The following C1orf174 variants were observed in gnomAD, a reference collection of about 807,000 sequenced individuals.
The protein encoded by C1orf174 is chromosome 1 open reading frame 174, also known as UPF0688 protein C1orf174.
A neutral mutation model predicts 18.4 loss-of-function variants in C1orf174; 13 were observed. The ratio of observed to expected loss-of-function variants is 0.71; its 90% CI spans 0.46 to 1.12. The LOEUF is 1.12. Ranked by LOEUF, C1orf174 falls within the 50% of genes most tolerant of loss-of-function variation. The pLI, the probability that C1orf174 is intolerant of heterozygous loss-of-function variation, is 0.00. For missense variants in C1orf174, 309 were observed against 308.0 expected (o/e 1.00, Z -0.02); for synonymous variants, 100 against 118.3 (o/e 0.85, Z 1.01).
chr1:3,899,980 G>A (rs1465433163), intron 1 of C1orf174, among the ~76,000 whole-genome samples, 192 bp downstream of exon 1: 1 of 152,094 alleles, frequency 6.6e-6, no homozygotes, highest in Admixed American at 6.5e-5. Flanking sequence ...TTTCACAGGG[G>A]CGTGACCTGG....
chr1:3,895,675 C>T (rs1638593757), intron 1 of C1orf174: 1 of 152,288 alleles, frequency 6.6e-6, no homozygotes, highest in South Asian at 2.1e-4. Context: ...GATTAACCAC[C>T]TCCAAGGTGT....
intron 1 of C1orf174, chr1:3,896,219 A>AG (rs1399194927): frequency 6.5e-6 from 1 of 152,716 alleles, no homozygotes; most frequent in African/African-American, 2.4e-5. Flanking sequence ...GATTGAGAAG[A>AG]GGGGCCCTCC....
chr1:3,890,159 G>A lies in C1orf174; in HGVS notation c.619-86C>T. 15 of 1,075,280 alleles carry A rather than the reference G, an allele frequency of 1.4e-5. No homozygotes were observed. The South Asian group carries it at 1.8e-4, about 13-fold the overall frequency. The allele number at this position is 1,075,280 out of a possible 1,614,324, so 66.6% of individuals were successfully genotyped here. On this transcript the variant is annotated intron_variant, in intron 3 of 3. Transcript: ENST00000361605. ...CAATGTGCCCCACCCAGCGGCTCTAGGGCTCGCAGAGCGCTCTTCCCTTTT... is the reference window on the plus strand; with the variant it reads ...CAATGTGCCCCACCCAGCGGCTCTAAGGCTCGCAGAGCGCTCTTCCCTTTT...
rs766899670 is a variant in C1orf174 at position 3,891,605 on chromosome 1, C to T, written c.130-548G>A. 1,032 of 986,222 alleles carry T rather than the reference C, an allele frequency of 1.0e-3. 1 individual carries two copies. The highest frequency in any genetic ancestry group is 1.2e-3 in the Non-Finnish European group (1,000 of 830,624). The allele number at this position is 986,222 out of a possible 1,614,324, so 61.1% of individuals were successfully genotyped here. A position where few individuals can be genotyped will look rare whatever the true frequency, so the allele number is the denominator to read the frequency against. The stretch of plus-strand genomic sequence containing the variant: ...GTCCTAACCCCTCAACTGTAGGCTC[C>T]GTGAAGCGGCTCTACTTCACCGGTA... On this transcript the variant is annotated intron_variant, in intron 2 of 3. Transcript: ENST00000361605.
intron 2 of C1orf174, chr1:3,891,714 G>A: frequency 1.0e-6 from 1 of 986,024 alleles, no homozygotes. Context: ...CACCCACTCT[G>A]CCTTTCTCTT....
At chr1:3,894,538 C>T (rs939886191) in intron 1 of C1orf174, among the ~76,000 whole-genome samples, 11 of 142,476 alleles carry the variant, frequency 7.7e-5, no homozygotes, top group African/African-American at 2.6e-4. Flanking sequence ...ACCCAGGAGG[C>T]GGAGCTTGCA....
chr1:3,898,550 AAC>A (rs1334776585), intron 1 of C1orf174, among the ~76,000 whole-genome samples: 12 of 151,810 alleles, frequency 7.9e-5, no homozygotes, highest in Non-Finnish European at 1.8e-4. Context: ...CAACAACAAC[AAC>A]AAAACTCACT....
At position 3,900,218 on chromosome 1, in the gene C1orf174, CCCCGGCCAACGCGT is replaced by C; in HGVS notation, c.-46_-33del. 6.4e-7 allele frequency: 1 copy of C among 1,563,142 alleles called. No individual in the cohort carries two copies. Among genetic ancestry groups the C allele is most frequent in the Non-Finnish European group, 8.6e-7 (1 of 1,165,862 alleles). ...GAGCACCGCAGCCAAGCACCGCGCG[CCCCGGCCAACGCGT>C]CCCGGCGGAGCGGCGACCCGGAGTC... On this transcript the variant is annotated 5_prime_UTR_variant, in exon 1 of 4. Coordinates refer to ENST00000361605, the MANE Select transcript of C1orf174 (RefSeq NM_207356.3).
At chr1:3,891,958 G>T (rs1399639969) in intron 2 of C1orf174, 3 of 112,006 alleles carry the variant, frequency 2.7e-5, no homozygotes, top group Admixed American at 1.1e-4. Flanking sequence ...CAGAGCCCGG[G>T]TCTAGACACA....
At chr1:3,892,747 A>G (rs935909295) in intron 2 of C1orf174, 136 bp downstream of exon 2, 15 of 1,473,684 alleles carry the variant, frequency 1.0e-5, no homozygotes, top group Non-Finnish European at 1.4e-5. Context: ...TCACCTTTTC[A>G]TCTGCAATAG....
In C1orf174 at chr1:3,900,156, G is replaced by C; in HGVS notation, c.15+16C>G. The C allele has an allele frequency of 1.9e-6, 3 of 1,578,560 alleles. No homozygotes were observed. In the South Asian group the frequency reaches 3.4e-5, roughly 18 times the overall value. On this transcript the variant is annotated intron_variant, in intron 1 of 3. Coordinates refer to ENST00000361605, the MANE Select transcript of C1orf174 (RefSeq NM_207356.3). The stretch of plus-strand genomic sequence containing the variant: ...CGCCCTGCCCGGCGCAGCTGCTGCC[G>C]GGACCCAGCCCTCACCTTCCGGCTC...
In C1orf174 at chr1:3,890,492, A is replaced by G. The variant is rs1227705825; in HGVS notation, c.618+77T>C. ...TTGTGTCGAGGCATTATTTACCTGC[A>G]CTGAGTGGGGAGTGTGTGACCTGAA... On this transcript the variant is annotated intron_variant, in intron 3 of 3. Transcript: ENST00000361605. The G allele has an allele frequency of 1.7e-5, 27 of 1,557,658 alleles. No individual in the cohort carries two copies. In the South Asian group the frequency reaches 2.7e-4, roughly 16 times the overall value.
chr1:3,892,976 A>C lies in C1orf174; in HGVS notation c.36T>G (p.Ser12=). The C allele has an allele frequency of 6.2e-7, 1 of 1,613,968 alleles. No individual in the cohort carries two copies. Among genetic ancestry groups the C allele is most frequent in the Middle Eastern group, 1.6e-4 (1 of 6,062 alleles). ...AACTTCGTGCTTTCAAGCGCGCTGA[A>C]GACCGCACTGCACCTGTGAGCTAGA... is the stretch of plus-strand genomic sequence containing the variant. ...RSRKLTGAVR[S]SARLKARSCS... Residue 12 remains serine, a synonymous_variant, in exon 2 of 4, where the codon TCT becomes TCG. Coordinates refer to ENST00000361605, the MANE Select transcript of C1orf174 (RefSeq NM_207356.3).
Position 3,889,971 on chromosome 1 carries a change from C to A in C1orf174, c.721G>T (p.Ala241Ser). Residue 241 changes from alanine to serine, a missense_variant, in exon 4 of 4, where the codon GCA becomes TCA. Coordinates refer to ENST00000361605, the MANE Select transcript of C1orf174 (RefSeq NM_207356.3). ...ATTTTGTATGGCCCCTACATTTCTG[C>A]ATCATCGTCGTCGTCATCATCATCA... ...KDDDDDDDDDAEM is the reference protein window; with the variant it reads ...KDDDDDDDDDSEM 6.2e-7 allele frequency: 1 copy of A among 1,613,960 alleles called. No homozygotes were observed. The highest frequency in any genetic ancestry group is 2.2e-5 in the East Asian group (1 of 44,884).
In C1orf174 at chr1:3,894,426, T is replaced by G. The variant is rs958113274; in HGVS notation, c.16-1430A>C. The stretch of plus-strand genomic sequence containing the variant: ...ATCGAGACCATCCCGGCTAACACAG[T>G]GAAACCCCGTCTCTACTAAAAATAC... On this transcript the variant is annotated intron_variant, in intron 1 of 3. Coordinates refer to ENST00000361605, the MANE Select transcript of C1orf174 (RefSeq NM_207356.3). Among the ~76,000 whole-genome samples, 9 of 151,504 alleles carry G rather than the reference T, an allele frequency of 5.9e-5. 1 individual carries two copies. Among genetic ancestry groups the G allele is most frequent in the Admixed American group, 1.3e-4 (2 of 15,232 alleles).
chr1:3,891,202 G>A, intron 2 of C1orf174, 145 bp from the exon 3 acceptor site: 1 of 1,057,218 alleles, frequency 9.5e-7, no homozygotes. Context: ...TCACTGTTTT[G>A]CCACCAAGGG....
chr1:3,898,239 T>C (rs1169612416), intron 1 of C1orf174, among the ~76,000 whole-genome samples: 3 of 151,884 alleles, frequency 2.0e-5, no homozygotes, highest in African/African-American at 7.2e-5. Context: ...GGGCTGGGCA[T>C]GGTGGCTCAT....
intron 3 of C1orf174, among the ~76,000 whole-genome samples, chr1:3,890,296 T>G (rs1249569445): frequency 6.6e-6 from 1 of 151,984 alleles, no homozygotes; most frequent in East Asian, 1.9e-4. Flanking sequence ...ACAAAAGAAA[T>G]TAACAGCAAG....
chr1:3,890,084 A>C lies in C1orf174; in HGVS notation c.619-11T>G, dbSNP rs1416538894. ...CGCAGGTGGGAGGTCCTTAGTGGAG[A>C]AGAAAACATGACTTCAGTCATGAGC... On this transcript the variant is annotated splice_polypyrimidine_tract_variant and intron_variant, in intron 3 of 3. Coordinates refer to ENST00000361605, the MANE Select transcript of C1orf174 (RefSeq NM_207356.3). 3.1e-6 allele frequency: 5 copies of C among 1,606,386 alleles called. No homozygotes were observed. The East Asian group carries it at 1.1e-4, about 36-fold the overall frequency.
Sources: gnomAD v4.1 joint callset for allele counts (sites outside exome capture counted in the v4.1 genomes callset) on GRCh38, gnomAD v4.1.1 for gene constraint, MANE v1.5 for transcripts, NCBI Gene and HGNC (gene_info 2026-07-23, HGNC 2026-07-21) for gene names.